The following EHMT1 variants were observed in gnomAD, a reference collection of about 807,000 sequenced individuals.
EHMT1 encodes the protein histone-lysine N-methyltransferase EHMT1.
In EHMT1, 15 loss-of-function variants were observed where a neutral mutation model predicts 147.2. The observed-to-expected ratio is 0.10, with a 90% CI of 0.07 to 0.16. The LOEUF is 0.16. Among genes scored for constraint, EHMT1 ranks in the 10% least tolerant of loss-of-function variants. EHMT1 has a pLI of 1.00. For synonymous variants in EHMT1, 795 were observed against 709.6 expected, an observed-to-expected ratio of 1.12 and a Z score of -1.91; for missense variants, 1,587 against 1,772.4, an observed-to-expected ratio of 0.90 and a Z score of 1.88.
At chr9:137,817,886 G>A (rs568716786) in intron 24 of EHMT1, 174 bp from the exon 25 acceptor site, 16 of 688,836 alleles carry the variant, frequency 2.3e-5, no homozygotes, top group Admixed American at 6.7e-5. Flanking sequence ...ATCATCCTCC[G>A]GACCCTCAGC....
chr9:137,753,824 T>TGAGCGAGATGAACGGACCCTTTTCCTGA (rs1949173011), intron 7 of EHMT1, among the ~76,000 whole-genome samples: 1 of 152,232 alleles, frequency 6.6e-6, no homozygotes. Context: ...CCTTTTCTTG[T>TGAGCGAGATGAACGGACCCTTTTCCTGA]GAGCGAGATG....
At chr9:137,630,821 A>G (rs1376986348) in intron 1 of EHMT1, among the ~76,000 whole-genome samples, 2 of 152,148 alleles carry the variant, frequency 1.3e-5, no homozygotes, top group Non-Finnish European at 2.9e-5. Flanking sequence ...AGAAGGGGAT[A>G]GTGGCATGAG....
At chr9:137,696,145 A>G (rs1209224156) in intron 1 of EHMT1, among the ~76,000 whole-genome samples, 3 of 152,378 alleles carry the variant, frequency 2.0e-5, no homozygotes, top group South Asian at 4.1e-4. Flanking sequence ...GGAAAAAACA[A>G]AAAGACAAAA....
chr9:137,747,980 T>C (rs1005098401), intron 6 of EHMT1: 4 of 152,238 alleles, frequency 2.6e-5, no homozygotes, highest in Non-Finnish European at 4.4e-5. Flanking sequence ...TCTTTCTTTT[T>C]TTTCTTTGAG....
At chr9:137,626,906 A>G (rs537360840) in intron 1 of EHMT1, among the ~76,000 whole-genome samples, 1 of 150,098 alleles carries the variant, frequency 6.7e-6, no homozygotes, top group East Asian at 2.0e-4. Context: ...CCTCAGTCCC[A>G]CAGGTAGCTG....
intron 25 of EHMT1, 149 bp downstream of exon 25, chr9:137,818,287 A>T: frequency 1.1e-6 from 1 of 901,326 alleles, no homozygotes; most frequent in Non-Finnish European, 1.8e-6. Flanking sequence ...CCGCATTTGG[A>T]GCTGGCCTTG....
intron 3 of EHMT1, among the ~76,000 whole-genome samples, chr9:137,723,083 T>C (rs373602090): frequency 0.14 from 11,091 of 80,632 alleles, 518 homozygotes; most frequent in Admixed American, 0.22. Context: ...TGTCTGTGTC[T>C]GTGGTTCTGG....
chr9:137,807,482 T>C (rs1192070667), intron 18 of EHMT1, among the ~76,000 whole-genome samples: 6 of 394 alleles, frequency 0.015, no homozygotes, highest in Non-Finnish European at 0.054. Flanking sequence ...TATTTACTTA[T>C]TTATTTATTT....
At chr9:137,721,911 C>T (rs1008664771) in intron 3 of EHMT1, among the ~76,000 whole-genome samples, 8 of 152,030 alleles carry the variant, frequency 5.3e-5, no homozygotes, top group Non-Finnish European at 1.2e-4. Flanking sequence ...TCAGTTTTCT[C>T]CTGTGGATTG....
At position 137,752,256 on chromosome 9, in the gene EHMT1, G is replaced by A. The variant is rs1374919260; in HGVS notation, c.1171-75G>A. The stretch of plus-strand genomic sequence containing the variant: ...CCGTTTCGAGGTTTGCTTTGGATCC[G>A]TCATCTGCCACTAAAGGATGTAATT... On this transcript the variant is annotated intron_variant, in intron 6 of 26. Coordinates refer to ENST00000460843, the MANE Select transcript of EHMT1 (RefSeq NM_024757.5). The A allele has an allele frequency of 7.8e-6, 12 of 1,534,620 alleles. No individual in the cohort carries two copies. In the East Asian group the frequency reaches 1.4e-4, roughly 18 times the overall value.
chr9:137,808,858 G>C (rs567737212), intron 18 of EHMT1, among the ~76,000 whole-genome samples: 1 of 152,266 alleles, frequency 6.6e-6, no homozygotes, highest in South Asian at 2.1e-4. Context: ...CAGAGGCAGA[G>C]GTTGCAGTGA....
rs1319362313 is a variant in EHMT1, at chr9:137,646,206, T to C, written c.21+27157T>C. 5 of 287,538 alleles carry C rather than the reference T, an allele frequency of 1.7e-5. No individual in the cohort carries two copies. In the South Asian group the frequency reaches 5.4e-4, roughly 31 times the overall value. 17.8% of individuals were successfully genotyped at this position (287,538 alleles called of 1,614,324 possible). On this transcript the variant is annotated intron_variant, in intron 1 of 26. Transcript: ENST00000460843. ...ATCTCCTGGCCTCAGGTGATCCGCC[T>C]GCCTCGGCCTCCCAAAGTGTTGGGA...
intron 6 of EHMT1, chr9:137,745,799 G>A (rs911434355): frequency 2.9e-6 from 1 of 349,570 alleles, no homozygotes; most frequent in African/African-American, 2.1e-5. Context: ...GTAGCACTTT[G>A]ATGTCACCAG....
intron 1 of EHMT1, among the ~76,000 whole-genome samples, chr9:137,677,402 T>C (rs1230990858): frequency 2.0e-5 from 3 of 152,140 alleles, no homozygotes. Context: ...CCTAAAGTGC[T>C]GGGATTACAG....
intron 19 of EHMT1, among the ~76,000 whole-genome samples, chr9:137,812,145 C>T (rs1204392830): frequency 6.6e-6 from 1 of 152,226 alleles, no homozygotes; most frequent in East Asian, 1.9e-4. Flanking sequence ...TTGAGACTAG[C>T]CTGGCCAACA....
intron 14 of EHMT1, among the ~76,000 whole-genome samples, chr9:137,780,646 GGCATCTCA>G (rs1339476927): frequency 7.5e-3 from 536 of 71,018 alleles, no homozygotes; most frequent in Non-Finnish European, 8.8e-3. Flanking sequence ...TGGTGATGAC[GGCATCTCA>G]CTGAGATGTG....
chr9:137,676,488 C>T (rs539518625), intron 1 of EHMT1: 9 of 152,630 alleles, frequency 5.9e-5, no homozygotes, highest in African/African-American at 2.2e-4. Flanking sequence ...GCCTCAGCCT[C>T]TGAAGTAGCC....
In EHMT1 at chr9:137,700,209, A is replaced by T. The variant is rs780029421; in HGVS notation, c.22-10758A>T. Among the ~76,000 whole-genome samples the T allele has an allele frequency of 2.6e-5, 4 of 152,104 alleles. No homozygotes were observed. In the East Asian group the frequency reaches 7.7e-4, roughly 29 times the overall value. ...TCTCCTATCCCTCTATCCCTTTTGGATATTTTCTGAGCTGTGAATGTAACT... is the reference window on the plus strand; with the variant it reads ...TCTCCTATCCCTCTATCCCTTTTGGTTATTTTCTGAGCTGTGAATGTAACT... On this transcript the variant is annotated intron_variant, in intron 1 of 26. Coordinates refer to ENST00000460843, the MANE Select transcript of EHMT1 (RefSeq NM_024757.5).
At chr9:137,669,446 C>T (rs1001296664) in intron 1 of EHMT1, among the ~76,000 whole-genome samples, 5 of 139,642 alleles carry the variant, frequency 3.6e-5, no homozygotes, top group East Asian at 4.5e-4. Context: ...GCCCACAGCA[C>T]GTGCACTCAC....
Sources: gnomAD v4.1 joint callset for allele counts (sites outside exome capture counted in the v4.1 genomes callset) on GRCh38, gnomAD v4.1.1 for gene constraint, MANE v1.5 for transcripts, NCBI Gene and HGNC (gene_info 2026-07-23, HGNC 2026-07-21) for gene names.